DGKB: variants seen among roughly 807,000 people sequenced by gnomAD.
The protein encoded by DGKB is diacylglycerol kinase beta, also known as 90 kDa diacylglycerol kinase.
In DGKB, 67 loss-of-function variants were observed where a neutral mutation model predicts 114.3. The ratio of observed to expected loss-of-function variants is 0.59; its 90% confidence interval spans 0.48 to 0.72. The LOEUF (loss-of-function observed/expected upper bound fraction) is 0.72, where lower values mean the gene tolerates loss of function less well. Among genes scored for constraint, DGKB ranks in the 30% least tolerant of loss-of-function variants. The pLI, the probability that DGKB is intolerant of heterozygous loss-of-function variation, is 0.00. For synonymous variants in DGKB, 398 were observed against 323.1 expected, an observed-to-expected ratio of 1.23 and a Z score of -2.49; for missense variants, 907 against 975.2, an observed-to-expected ratio of 0.93 and a Z score of 0.93.
chr7:14,697,090 T>G (rs1278344765), intron 8 of DGKB, among the ~76,000 whole-genome samples: 2 of 152,180 alleles, frequency 1.3e-5, no homozygotes, highest in African/African-American at 4.8e-5. Flanking sequence ...CCCCAAAATA[T>G]TTTTTGTGGC....
At chr7:14,465,636 T>C (rs1284156598) in intron 21 of DGKB, among the ~76,000 whole-genome samples, 1 of 152,154 alleles carries the variant, frequency 6.6e-6, no homozygotes, top group African/African-American at 2.4e-5. Flanking sequence ...CTCATTACAC[T>C]GATTAGAAAA....
intron 23 of DGKB, among the ~76,000 whole-genome samples, chr7:14,287,993 A>G (rs866298293): frequency 2.0e-5 from 3 of 152,178 alleles, no homozygotes; most frequent in Admixed American, 2.0e-4. Flanking sequence ...GAATGACAGA[A>G]CCAGCCAAGG....
At chr7:14,632,805 A>G (rs1360904875) in intron 13 of DGKB, among the ~76,000 whole-genome samples, 1 of 151,868 alleles carries the variant, frequency 6.6e-6, no homozygotes, top group Non-Finnish European at 1.5e-5. Context: ...GAACTGTTAA[A>G]GATAAATGAA....
In DGKB at chr7:14,522,246, T is replaced by C. The variant is rs547600916; in HGVS notation, c.1771-44021A>G. Among the ~76,000 whole-genome samples, 14 of 152,316 alleles carry C rather than the reference T, an allele frequency of 9.2e-5. No individual in the cohort carries two copies. In the East Asian group the frequency reaches 1.7e-3, roughly 19 times the overall value. ...ACTTTACATAAGGCTTTCTGACATC[T>C]TTGTCGCACATGCATAGATAGGCTT... is the stretch of plus-strand genomic sequence containing the variant. On this transcript the variant is annotated intron_variant, in intron 20 of 25. Transcript: ENST00000402815.
intron 2 of DGKB, among the ~76,000 whole-genome samples, chr7:14,767,475 T>C (rs915218382): frequency 6.6e-6 from 1 of 151,946 alleles, no homozygotes; most frequent in African/African-American, 2.4e-5. Context: ...TCATTGACAG[T>C]GAGCCCTTAT....
intron 16 of DGKB, among the ~76,000 whole-genome samples, chr7:14,609,630 A>G (rs942297504): frequency 1.3e-5 from 2 of 152,104 alleles, no homozygotes; most frequent in East Asian, 3.9e-4. Flanking sequence ...TTCATCCAAC[A>G]AAGGTGTAAT....
intron 23 of DGKB, among the ~76,000 whole-genome samples, chr7:14,277,569 T>C (rs1799216497): frequency 6.6e-6 from 1 of 152,236 alleles, no homozygotes; most frequent in African/African-American, 2.4e-5. Context: ...GTCTTCCAGC[T>C]TCATTCATGT....
chr7:14,226,735 G>A (rs1790861391), intron 23 of DGKB, among the ~76,000 whole-genome samples: 2 of 151,890 alleles, frequency 1.3e-5, no homozygotes, highest in African/African-American at 4.8e-5. Context: ...TCAATATCCA[G>A]TTTCATTTAA....
chr7:14,810,329 T>A (rs535785338), intron 2 of DGKB, among the ~76,000 whole-genome samples: 8 of 152,220 alleles, frequency 5.3e-5, no homozygotes, highest in Admixed American at 2.0e-4. Flanking sequence ...ACTGATTGGA[T>A]CTTGGTTTAA....
chr7:14,641,148 G>T (rs1165768415), intron 13 of DGKB, among the ~76,000 whole-genome samples: 1 of 151,920 alleles, frequency 6.6e-6, no homozygotes, highest in Middle Eastern at 3.2e-3. Flanking sequence ...CCAACACTGG[G>T]TATTATCATT....
chr7:14,304,370 T>C (rs1405714202), intron 23 of DGKB, among the ~76,000 whole-genome samples: 4 of 152,102 alleles, frequency 2.6e-5, no homozygotes, highest in African/African-American at 9.7e-5. Flanking sequence ...TATTGCACCA[T>C]TAAGAGCATT....
At chr7:14,570,885 G>T (rs557298038) in intron 20 of DGKB, among the ~76,000 whole-genome samples, 2 of 152,116 alleles carry the variant, frequency 1.3e-5, no homozygotes, top group African/African-American at 4.8e-5. Flanking sequence ...CAAAGGTCAA[G>T]TGTATTTCTG....
chr7:14,161,341 C>T (rs1209597806), intron 25 of DGKB, among the ~76,000 whole-genome samples: 4 of 152,140 alleles, frequency 2.6e-5, no homozygotes, highest in African/African-American at 9.7e-5. Context: ...ATAAATCATT[C>T]TACTATAAAG....
chr7:14,248,388 A>G (rs1173168213), intron 23 of DGKB, among the ~76,000 whole-genome samples: 2 of 152,074 alleles, frequency 1.3e-5, no homozygotes, highest in African/African-American at 2.4e-5. Context: ...TCTGTGAAAA[A>G]TGCCATTGGA....
At chr7:14,189,065 T>C (rs1488907288) in intron 23 of DGKB, among the ~76,000 whole-genome samples, 1 of 152,166 alleles carries the variant, frequency 6.6e-6, no homozygotes, top group Non-Finnish European at 1.5e-5. Flanking sequence ...AAAAGGACCA[T>C]AATTACTAAC....
intron 13 of DGKB, among the ~76,000 whole-genome samples, chr7:14,630,677 A>G (rs1416365747): frequency 6.6e-6 from 1 of 152,204 alleles, no homozygotes; most frequent in South Asian, 2.1e-4. Context: ...TCTTTTGAAC[A>G]CAGACATAGC....
chr7:14,463,158 C>T (rs529790126), intron 21 of DGKB, among the ~76,000 whole-genome samples: 174 of 151,918 alleles, frequency 1.1e-3, no homozygotes, highest in Non-Finnish European at 2.0e-3. Context: ...AACCAAACAC[C>T]GCATGTTCTC....
intron 21 of DGKB, among the ~76,000 whole-genome samples, chr7:14,469,711 C>A (rs1289466808): frequency 1.3e-5 from 2 of 151,940 alleles, no homozygotes; most frequent in Non-Finnish European, 2.9e-5. Flanking sequence ...TCAGATCCAA[C>A]AAAGTATTTA....
intron 1 of DGKB, among the ~76,000 whole-genome samples, chr7:14,955,393 G>A (rs974463060): frequency 3.9e-4 from 59 of 151,516 alleles, no homozygotes; most frequent in African/African-American, 1.3e-3. Flanking sequence ...TTCTCTTATC[G>A]TATACACTTT....
Sources: gnomAD v4.1 joint callset for allele counts (sites outside exome capture counted in the v4.1 genomes callset) on GRCh38, gnomAD v4.1.1 for gene constraint, MANE v1.5 for transcripts, NCBI Gene and HGNC (gene_info 2026-07-23, HGNC 2026-07-21) for gene names.